TMEM51: variants seen among roughly 807,000 people sequenced by gnomAD.
TMEM51 encodes the protein transmembrane protein 51, also known as chromosome 1 open reading frame 72.
A neutral mutation model predicts 13.6 loss-of-function variants in TMEM51; 8 were observed. The ratio of observed to expected loss-of-function variants is 0.59; its 90% confidence interval spans 0.35 to 1.07. The LOEUF (loss-of-function observed/expected upper bound fraction) is 1.07, where lower values mean the gene tolerates loss of function less well. Ranked by LOEUF, TMEM51 falls within the 50% of genes least tolerant of loss-of-function variation. TMEM51 has a pLI of 0.02. For missense variants in TMEM51, 279 were observed against 330.7 expected (o/e 0.84, Z 1.21); for synonymous variants, 147 against 144.4 (o/e 1.02, Z -0.13).
chr1:15,182,364 G>T (rs887845487), intron 1 of TMEM51, among the ~76,000 whole-genome samples: 1 of 152,060 alleles, frequency 6.6e-6, no homozygotes, highest in Non-Finnish European at 1.5e-5. Flanking sequence ...TAGCCATGGC[G>T]CCTGCCCAAT....
At chr1:15,189,072 G>C (rs1006544931) in intron 1 of TMEM51, among the ~76,000 whole-genome samples, 1 of 152,022 alleles carries the variant, frequency 6.6e-6, no homozygotes, top group Non-Finnish European at 1.5e-5. Flanking sequence ...ACAGAATCTC[G>C]CTGTGTTGCC....
At chr1:15,177,052 G>A (rs1200960918) in intron 1 of TMEM51, among the ~76,000 whole-genome samples, 1 of 152,136 alleles carries the variant, frequency 6.6e-6, no homozygotes, top group East Asian at 1.9e-4. Context: ...TGGCCAGATG[G>A]GAGGCAGCAG....
intron 2 of TMEM51, among the ~76,000 whole-genome samples, chr1:15,212,217 C>G (rs975772927): frequency 6.6e-6 from 1 of 152,154 alleles, no homozygotes; most frequent in Non-Finnish European, 1.5e-5. Context: ...AATGCCAAAA[C>G]TTGCCATCTA....
chr1:15,185,358 C>G (rs958203445), intron 1 of TMEM51, among the ~76,000 whole-genome samples: 7 of 152,196 alleles, frequency 4.6e-5, no homozygotes, highest in African/African-American at 1.7e-4. Context: ...ACCTAGGCAG[C>G]CTTCTCTAAC....
At chr1:15,160,460 G>T (rs994286259) in intron 1 of TMEM51, among the ~76,000 whole-genome samples, 2 of 152,118 alleles carry the variant, frequency 1.3e-5, no homozygotes, top group East Asian at 3.9e-4. Flanking sequence ...TTTTAATAGA[G>T]ATAGGGTTTC....
intron 1 of TMEM51, among the ~76,000 whole-genome samples, chr1:15,191,039 G>A (rs1643911166): frequency 6.6e-6 from 1 of 152,160 alleles, no homozygotes; most frequent in Non-Finnish European, 1.5e-5. Flanking sequence ...TGCCAGCCTT[G>A]GCCTCCCAAA....
intron 1 of TMEM51, among the ~76,000 whole-genome samples, chr1:15,202,311 T>A (rs1227398974): frequency 1.3e-5 from 2 of 152,238 alleles, no homozygotes; most frequent in Non-Finnish European, 2.9e-5. Flanking sequence ...AAACAGTCTG[T>A]GCTGGCAGGC....
chr1:15,191,516 G>A (rs1203898451), intron 1 of TMEM51, among the ~76,000 whole-genome samples: 2 of 152,190 alleles, frequency 1.3e-5, no homozygotes, highest in African/African-American at 2.4e-5. Flanking sequence ...GGCCCCCAGA[G>A]GCCCCTGCTG....
chr1:15,209,335 G>T (rs903296376), intron 1 of TMEM51, among the ~76,000 whole-genome samples: 1 of 151,748 alleles, frequency 6.6e-6, no homozygotes, highest in Non-Finnish European at 1.5e-5. Flanking sequence ...GAGCTCAAGC[G>T]ATCCTCCCAC....
At chr1:15,170,598 C>T (rs941544356) in intron 1 of TMEM51, among the ~76,000 whole-genome samples, 2 of 152,122 alleles carry the variant, frequency 1.3e-5, no homozygotes, top group African/African-American at 2.4e-5. Flanking sequence ...GCGTGAGTCA[C>T]CACCACACCT....
Position 15,215,233 on chromosome 1 carries a change from A to G in TMEM51, c.146A>G (p.Asn49Ser). 1 of 1,614,210 alleles carries G rather than the reference A, an allele frequency of 6.2e-7. No homozygotes were observed. The highest frequency in any genetic ancestry group is 8.5e-7 in the Non-Finnish European group (1 of 1,180,032). ...AAEKPTAQGS[N>S]KTEVGGGILK... The stretch of plus-strand genomic sequence containing the variant: ...GAGAAGCCAACAGCTCAGGGCAGCA[A>G]CAAGACCGAGGTGGGTGGCGGCATC... The change falls in exon 3 of 4, where the codon AAC becomes AGC. Residue 49 changes from asparagine (N) to serine (S), a missense_variant. Asn to Ser is a conservative substitution (Grantham distance 46). Transcript: ENST00000376008.
At chr1:15,196,545 G>A (rs1194773038) in intron 1 of TMEM51, among the ~76,000 whole-genome samples, 1 of 151,944 alleles carries the variant, frequency 6.6e-6, no homozygotes, top group Non-Finnish European at 1.5e-5. Flanking sequence ...CAAGAGACAG[G>A]GTCTTTCTAT....
chr1:15,211,614 C>T (rs1218330985), intron 2 of TMEM51, among the ~76,000 whole-genome samples: 2 of 152,062 alleles, frequency 1.3e-5, no homozygotes, highest in South Asian at 2.1e-4. Flanking sequence ...GTAACTTGCC[C>T]GAGGTCACAC....
At chr1:15,160,491 C>T (rs573049381) in intron 1 of TMEM51, among the ~76,000 whole-genome samples, 11 of 152,144 alleles carry the variant, frequency 7.2e-5, no homozygotes, top group African/African-American at 2.7e-4. Context: ...CCAAGCTGGT[C>T]TTGAACTCCT....
chr1:15,153,466 C>G (rs887517645), upstream of TMEM51, among the ~76,000 whole-genome samples: 1 of 152,218 alleles, frequency 6.6e-6, no homozygotes, highest in African/African-American at 2.4e-5. Context: ...GATCAGGGCT[C>G]TATTTTCTCC....
Position 15,176,437 on chromosome 1 carries a change from C to A in TMEM51, c.-267+22483C>A, listed in dbSNP as rs570360717. ...CTGCATGAACAGAACTTGAGAGCCA[C>A]TCCCCGCTGGCCATGGCAGGAGGCT... is the stretch of plus-strand genomic sequence containing the variant. On this transcript the variant is annotated intron_variant, in intron 1 of 3. Coordinates refer to ENST00000376008, the MANE Select transcript of TMEM51 (RefSeq NM_001136218.2). 3.9e-5 allele frequency among the ~76,000 whole-genome samples: 6 copies of A among 152,284 alleles called. No individual in the cohort carries two copies. The East Asian group carries it at 1.2e-3, about 29-fold the overall frequency.
intron 1 of TMEM51, among the ~76,000 whole-genome samples, chr1:15,200,401 CTG>C (rs1644130550): frequency 1.0e-5 from 1 of 99,100 alleles, no homozygotes; most frequent in Non-Finnish European, 1.8e-5. Flanking sequence ...GAGCGAGACT[CTG>C]TCTCAAAAAA....
At chr1:15,192,426 CTTTT>C (rs998108857) in intron 1 of TMEM51, 2 of 256,026 alleles carry the variant, frequency 7.8e-6, no homozygotes, top group Admixed American at 1.4e-4. Flanking sequence ...GGCAGTGCTA[CTTTT>C]TTTCTTTCTT....
chr1:15,219,425 G>C lies in TMEM51; in HGVS notation c.444G>C (p.Glu148Asp). ...CAAACTACTCAGAAGCAAGGGGAGA[G>C]GAGCAGAACCCGAGGTTGAGCATCT... ...MNTNYSEARG[E>D]EQNPRLSISL... The change falls in exon 4 of 4, where the codon GAG (glutamate) becomes GAC (aspartate). Residue 148 changes from glutamate (E) to aspartate (D), a missense_variant. Physicochemically the swap from Glu to Asp is conservative, Grantham distance 45. Transcript: ENST00000376008. 6.2e-7 allele frequency: 1 copy of C among 1,613,862 alleles called. No homozygotes were observed. Among genetic ancestry groups the C allele is most frequent in the Non-Finnish European group, 8.5e-7 (1 of 1,179,836 alleles).
Sources: allele counts gnomAD v4.1 joint callset (sites outside exome capture counted in the v4.1 genomes callset), GRCh38; gene constraint gnomAD v4.1.1; transcripts MANE v1.5; gene names NCBI Gene and HGNC (gene_info 2026-07-23, HGNC 2026-07-21).